GRM5: variants seen among roughly 807,000 people sequenced by gnomAD.
GRM5 encodes glutamate metabotropic receptor 5, also known as metabotropic glutamate receptor 5.
A neutral mutation model predicts 83.1 loss-of-function variants in GRM5; 19 were observed. The ratio of observed to expected loss-of-function variants is 0.23; its 90% CI spans 0.16 to 0.34. The LOEUF (loss-of-function observed/expected upper bound fraction) is 0.34. GRM5 is among the 10% of genes least tolerant of loss of function. The pLI is 1.00. For missense variants in GRM5, 1,160 were observed against 1,588.3 expected, an observed-to-expected ratio of 0.73 and a Z score of 4.58; for synonymous variants, 675 against 633.6, an observed-to-expected ratio of 1.07 and a Z score of -0.98.
intron 4 of GRM5, among the ~76,000 whole-genome samples, chr11:88,643,549 T>C (rs1447834821): frequency 6.6e-6 from 1 of 152,162 alleles, no homozygotes; most frequent in Non-Finnish European, 1.5e-5. Flanking sequence ...TAGGGAATAA[T>C]CCCCAAAAAT....
chr11:88,895,677 A>C (rs1306022351), intron 2 of GRM5, among the ~76,000 whole-genome samples: 1 of 152,000 alleles, frequency 6.6e-6, no homozygotes, highest in Admixed American at 6.6e-5. Context: ...TTGGTTTCTT[A>C]ACATCTATGC....
intron 8 of GRM5, among the ~76,000 whole-genome samples, chr11:88,564,249 T>C (rs1942823259): frequency 6.6e-6 from 1 of 152,158 alleles, no homozygotes; most frequent in Non-Finnish European, 1.5e-5. Context: ...TTACCCTCTT[T>C]CAGATTCTAA....
At chr11:89,038,862 T>C (rs1220757418) in intron 2 of GRM5, among the ~76,000 whole-genome samples, 1 of 152,246 alleles carries the variant, frequency 6.6e-6, no homozygotes, top group Admixed American at 6.5e-5. Context: ...ATCCTTGCTC[T>C]GCCACTAACT....
At chr11:89,041,274 G>A (rs752692443) in intron 2 of GRM5, among the ~76,000 whole-genome samples, 7 of 152,196 alleles carry the variant, frequency 4.6e-5, no homozygotes, top group Non-Finnish European at 1.0e-4. Flanking sequence ...AGATATTTCT[G>A]CATTATGGGG....
At chr11:88,825,236 T>C (rs921884219) in intron 3 of GRM5, among the ~76,000 whole-genome samples, 2 of 152,184 alleles carry the variant, frequency 1.3e-5, no homozygotes, top group East Asian at 3.8e-4. Context: ...GAACTTTTTT[T>C]TTTTTGAGTT....
chr11:88,697,541 G>A (rs988992962), intron 3 of GRM5, among the ~76,000 whole-genome samples: 4 of 152,146 alleles, frequency 2.6e-5, no homozygotes, highest in Non-Finnish European at 4.4e-5. Flanking sequence ...ATGTACAAGT[G>A]CAGCCACAAG....
intron 4 of GRM5, among the ~76,000 whole-genome samples, chr11:88,617,128 A>C (rs1170110836): frequency 6.6e-6 from 1 of 152,208 alleles, no homozygotes; most frequent in Non-Finnish European, 1.5e-5. Context: ...AAACAAAACT[A>C]AACATAGCAA....
At chr11:88,886,436 C>A (rs1211139820) in intron 2 of GRM5, among the ~76,000 whole-genome samples, 3 of 152,162 alleles carry the variant, frequency 2.0e-5, no homozygotes, top group African/African-American at 4.8e-5. Flanking sequence ...AAATACGGGG[C>A]CCCTTTCAGC....
chr11:89,026,947 T>C (rs1941141560), intron 2 of GRM5, among the ~76,000 whole-genome samples: 1 of 152,126 alleles, frequency 6.6e-6, no homozygotes, highest in Admixed American at 6.5e-5. Context: ...GGTCAAATGA[T>C]TGCACATGGG....
chr11:88,961,362 A>ATT (rs5793371), intron 2 of GRM5, among the ~76,000 whole-genome samples: 10 of 144,422 alleles, frequency 6.9e-5, no homozygotes, highest in African/African-American at 2.5e-4. Flanking sequence ...ATGTTACAGC[A>ATT]TTTTTTTTTT....
At chr11:88,547,605 G>A in intron 8 of GRM5, among the ~76,000 whole-genome samples, 1 of 152,152 alleles carries the variant, frequency 6.6e-6, no homozygotes, top group Non-Finnish European at 1.5e-5. Flanking sequence ...TCACTTGAGA[G>A]TTGAAATTCT....
intron 1 of GRM5, among the ~76,000 whole-genome samples, chr11:89,061,056 A>G (rs1158274387): frequency 1.3e-5 from 2 of 152,134 alleles, no homozygotes; most frequent in Non-Finnish European, 2.9e-5. Context: ...CCTCTAAACC[A>G]GCCAAATCAG....
chr11:89,019,555 A>T (rs1433300244), intron 2 of GRM5, among the ~76,000 whole-genome samples: 1 of 151,410 alleles, frequency 6.6e-6, no homozygotes, highest in Non-Finnish European at 1.5e-5. Context: ...AAAAAAAAAA[A>T]TTAGCTGGTC....
chr11:88,695,520 C>T (rs1940880920), intron 3 of GRM5, among the ~76,000 whole-genome samples: 1 of 152,072 alleles, frequency 6.6e-6, no homozygotes, highest in Non-Finnish European at 1.5e-5. Flanking sequence ...TTGACTAAGT[C>T]CTCTAGATCC....
At chr11:88,981,196 A>G (rs1037174986) in intron 2 of GRM5, among the ~76,000 whole-genome samples, 1 of 152,200 alleles carries the variant, frequency 6.6e-6, no homozygotes, top group Non-Finnish European at 1.5e-5. Flanking sequence ...TGTTTGTTCT[A>G]TGCCATACAC....
chr11:88,663,464 A>G (rs1179614054), intron 3 of GRM5, among the ~76,000 whole-genome samples: 1 of 152,236 alleles, frequency 6.6e-6, no homozygotes, highest in Admixed American at 6.5e-5. Context: ...AAATGCAAAA[A>G]TTGAGGCTAT....
intron 2 of GRM5, among the ~76,000 whole-genome samples, chr11:88,929,208 T>C (rs1473499854): frequency 1.3e-5 from 2 of 151,986 alleles, no homozygotes; most frequent in African/African-American, 4.8e-5. Flanking sequence ...CATGGATAGG[T>C]GTACCCAACT....
At chr11:88,832,994 C>T (rs968493772) in intron 3 of GRM5, among the ~76,000 whole-genome samples, 34 of 151,716 alleles carry the variant, frequency 2.2e-4, no homozygotes, top group Non-Finnish European at 1.2e-4. Context: ...AAGTAAGACC[C>T]CAAACTATAA....
intron 2 of GRM5, among the ~76,000 whole-genome samples, chr11:89,007,359 G>T (rs1334114495): frequency 6.6e-6 from 1 of 152,128 alleles, no homozygotes; most frequent in African/African-American, 2.4e-5. Context: ...TAAGTTTAGT[G>T]CCAAGTATAT....
Sources: allele counts gnomAD v4.1 joint callset (sites outside exome capture counted in the v4.1 genomes callset), GRCh38; gene constraint gnomAD v4.1.1; transcripts MANE v1.5; gene names NCBI Gene and HGNC (gene_info 2026-07-23, HGNC 2026-07-21).